Variants in PPP1R27 observed in about 807,000 individuals in gnomAD.
PPP1R27 encodes the protein dysferlin interacting protein 1.
PPP1R27 carries 10 observed loss-of-function variants against 12.0 expected under a neutral mutation model. The observed-to-expected ratio is 0.84, with a 90% confidence interval of 0.52 to 1.42. PPP1R27 has a LOEUF of 1.42. PPP1R27 is among the 40% of genes most tolerant of loss of function. The probability of loss-of-function intolerance (pLI) is 0.00; values close to 1 mark genes in which losing one functional copy is unlikely to be tolerated. For missense variants in PPP1R27, 246 were observed against 215.3 expected (o/e 1.14, Z -0.89); for synonymous variants, 98 against 89.3 (o/e 1.10, Z -0.55).
chr17:81,833,813 G>C lies in PPP1R27; in HGVS notation c.381C>G (p.Asn127Lys), dbSNP rs770601739. ...GGTCGGAGGGCAGGTCGCCATCGTCGTTGGTTGCATCCCTGTCCGCTCCCA... is the reference window on the plus strand; with the variant it reads ...GGTCGGAGGGCAGGTCGCCATCGTCCTTGGTTGCATCCCTGTCCGCTCCCA... The part of the protein sequence containing the change: ...ISLGADRDAT[N>K]DDGDLPSDLI... The change falls in exon 3 of 3, where the codon AAC becomes AAG. Residue 127 changes from asparagine (N) to lysine (K), a missense_variant. By Grantham distance (94) the Asn-to-Lys change is moderately conservative. Transcript: ENST00000330261. 3 of 1,578,858 alleles carry C rather than the reference G, an allele frequency of 1.9e-6. No individual in the cohort carries two copies. Among genetic ancestry groups the C allele is most frequent in the Non-Finnish European group, 2.6e-6 (3 of 1,162,262 alleles).
At position 81,835,039 on chromosome 17, in the gene PPP1R27, G is replaced by A; in HGVS notation, c.-86C>T. 7.3e-7 allele frequency: 1 copy of A among 1,373,450 alleles called. No individual in the cohort carries two copies. The highest frequency in any genetic ancestry group is 1.5e-5 in the South Asian group (1 of 67,178). The allele number at this position is 1,373,450 out of a possible 1,614,324, so 85.1% of individuals were successfully genotyped here. Reference sequence around the variant, plus strand: ...TCCGGTCCCGACCAGATCAGCTTGAGGGCTCCTGTCGGACGAGCCCCGGCC... The same window carrying A: ...TCCGGTCCCGACCAGATCAGCTTGAAGGCTCCTGTCGGACGAGCCCCGGCC... On this transcript the variant is annotated 5_prime_UTR_variant, in exon 1 of 3. Coordinates refer to ENST00000330261, the MANE Select transcript of PPP1R27 (RefSeq NM_001007533.4).
In PPP1R27 at chr17:81,834,542, A is replaced by G; in HGVS notation, c.302T>C (p.Leu101Pro). Residue 101 changes from leucine (L) to proline (P), a missense_variant, in exon 2 of 3, where the codon CTG becomes CCG. By Grantham distance (98) the Leu-to-Pro change is moderately conservative (BLOSUM62 -3). Coordinates refer to ENST00000330261, the MANE Select transcript of PPP1R27 (RefSeq NM_001007533.4). ...HQRDEAGWTPLHIACSDGYPD... is the reference protein window; with the variant it reads ...HQRDEAGWTPPHIACSDGYPD... Reference sequence around the variant, plus strand: ...GTACCCATCGCTGCAGGCAATGTGCAGGGGTGTCCAGCCCGCCTCATCTCG... The same window carrying G: ...GTACCCATCGCTGCAGGCAATGTGCGGGGGTGTCCAGCCCGCCTCATCTCG... The G allele has an allele frequency of 6.2e-7, 1 of 1,614,170 alleles. No individual in the cohort carries two copies. Among genetic ancestry groups the G allele is most frequent in the Admixed American group, 1.7e-5 (1 of 60,026 alleles).
Position 81,834,812 on chromosome 17 carries a change from G to C in PPP1R27, c.142C>G (p.Arg48Gly). The change falls in exon 1 of 3, where the codon CGC becomes GGC. Residue 48 changes from arginine to glycine, a missense_variant. Arg to Gly is a moderately radical substitution (Grantham distance 125). Coordinates refer to ENST00000330261, the MANE Select transcript of PPP1R27 (RefSeq NM_001007533.4). ...GAGACTTTCCGAGTCCGGATGAAGC[G>C]CCCCACCTGCTCCAGGTCACCCTGC... ...IRQGDLEQVG[R>G]FIRTRKVSLA... 1 of 1,613,538 alleles carries C rather than the reference G, an allele frequency of 6.2e-7. No individual in the cohort carries two copies. The highest frequency in any genetic ancestry group is 2.2e-5 in the East Asian group (1 of 44,882).
In PPP1R27 at chr17:81,833,556, ACAG is replaced by A; in HGVS notation, c.*170_*172del. On this transcript the variant is annotated 3_prime_UTR_variant, in exon 3 of 3. Coordinates refer to ENST00000330261, the MANE Select transcript of PPP1R27 (RefSeq NM_001007533.4). ...GTTTATTGAAAAAGTAAAAAGTGTCACAGTAAAAAATTCACCTGGGGACAAAGC... is the reference window on the plus strand; with the variant it reads ...GTTTATTGAAAAAGTAAAAAGTGTCATAAAAAATTCACCTGGGGACAAAGC... The A allele has an allele frequency of 3.2e-6, 2 of 630,746 alleles. No individual in the cohort carries two copies. The highest frequency in any genetic ancestry group is 5.3e-6 in the Non-Finnish European group (2 of 374,162). The allele number at this position is 630,746 out of a possible 1,614,324, so 39.1% of individuals were successfully genotyped here. A position where few individuals can be genotyped will look rare whatever the true frequency, so the allele number is the denominator to read the frequency against.
At chr17:81,834,718 C>G in intron 1 of PPP1R27, 46 bp downstream of exon 1, 2 of 1,609,470 alleles carry the variant, frequency 1.2e-6, no homozygotes, top group Non-Finnish European at 1.7e-6. Context: ...GCTGGCCTCT[C>G]CCACCACCCC....
rs1004943694 is a variant in PPP1R27, at chr17:81,835,026, C to T, written c.-73G>A. The T allele has an allele frequency of 1.3e-5, 18 of 1,422,084 alleles. No individual in the cohort carries two copies. The highest frequency in any genetic ancestry group is 5.7e-5 in the African/African-American group (4 of 69,746). 88.1% of individuals were successfully genotyped at this position (1,422,084 alleles called of 1,614,324 possible). On this transcript the variant is annotated 5_prime_UTR_variant, in exon 1 of 3. Coordinates refer to ENST00000330261, the MANE Select transcript of PPP1R27 (RefSeq NM_001007533.4). ...GGTTAATAATGTATCCGGTCCCGACCAGATCAGCTTGAGGGCTCCTGTCGG... is the reference window on the plus strand; with the variant it reads ...GGTTAATAATGTATCCGGTCCCGACTAGATCAGCTTGAGGGCTCCTGTCGG...
Position 81,834,859 on chromosome 17 carries a change from A to G in PPP1R27, c.95T>C (p.Val32Ala). The G allele has an allele frequency of 6.2e-7, 1 of 1,613,570 alleles. No homozygotes were observed. Among genetic ancestry groups the G allele is most frequent in the Non-Finnish European group, 8.5e-7 (1 of 1,179,998 alleles). ...ADRSVRFPND[V>A]LFLDHIRQGD... ...CTGCCGGATGTGGTCCAAGAACAGGACATCATTAGGGAAACGCACGCTGCG... is the reference window on the plus strand; with the variant it reads ...CTGCCGGATGTGGTCCAAGAACAGGGCATCATTAGGGAAACGCACGCTGCG... The change falls in exon 1 of 3, where the codon GTC (valine) becomes GCC (alanine). Residue 32 changes from valine to alanine, a missense_variant. Coordinates refer to ENST00000330261, the MANE Select transcript of PPP1R27 (RefSeq NM_001007533.4).
Position 81,833,849 on chromosome 17 carries a change from G to C in PPP1R27, c.345C>G (p.Tyr115Ter), listed in dbSNP as rs759641885. 1 of 1,595,168 alleles carries C rather than the reference G, an allele frequency of 6.3e-7. No homozygotes were observed. Among genetic ancestry groups the C allele is most frequent in the Admixed American group, 1.7e-5 (1 of 57,330 alleles). Residue 115 changes from tyrosine (Y) to a stop codon, truncating the protein, a stop_gained, in exon 3 of 3, where the codon TAC becomes TAG. Transcript: ENST00000330261. LOFTEE classifies it high-confidence loss of function. ...CCCTGTCCGCTCCCAGGGAGATAAG[G>C]TACCTGGGGTGTAAAGGTCGCTCTG... ...CSDGYPDIAR[Y>*]LISLGADRDA...
intron 2 of PPP1R27, 95 bp from the exon 3 acceptor site, chr17:81,833,947 GT>G: frequency 7.0e-7 from 1 of 1,420,352 alleles, no homozygotes. Flanking sequence ...GGGGTCACCT[GT>G]GTGTCCCCCA....
chr17:81,834,477 C>A, intron 2 of PPP1R27, 26 bp downstream of exon 2: 5 of 1,612,332 alleles, frequency 3.1e-6, no homozygotes, highest in Non-Finnish European at 4.2e-6. Context: ...CGGGTTCAAG[C>A]CTGTGTAGAC....
rs771561258 is a variant in PPP1R27, at chr17:81,834,828, G to C, written c.126C>G (p.Asp42Glu). Residue 42 changes from aspartate (D) to glutamate (E), a missense_variant, in exon 1 of 3, where the codon GAC (aspartate) becomes GAG (glutamate). Coordinates refer to ENST00000330261, the MANE Select transcript of PPP1R27 (RefSeq NM_001007533.4). ...VLFLDHIRQG[D>E]LEQVGRFIRT... is the part of the protein sequence containing the mutation. ...GGATGAAGCGCCCCACCTGCTCCAG[G>C]TCACCCTGCCGGATGTGGTCCAAGA... is the stretch of plus-strand genomic sequence containing the variant. 21 of 1,613,638 alleles carry C rather than the reference G, an allele frequency of 1.3e-5. No homozygotes were observed. The African/African-American group carries it at 2.3e-4, about 17-fold the overall frequency.
rs780458528 is a variant in PPP1R27 at position 81,834,878 on chromosome 17, C to T, written c.76G>A (p.Val26Met). ...RRRRMLADRS[V>M]RFPNDVLFLD... ...AACAGGACATCATTAGGGAAACGCA[C>T]GCTGCGATCAGCCAGCATCCGCCGC... The change falls in exon 1 of 3, where the codon GTG (valine) becomes ATG (methionine). Residue 26 changes from valine to methionine, a missense_variant. Transcript: ENST00000330261. The T allele has an allele frequency of 8.7e-6, 14 of 1,613,200 alleles. No homozygotes were observed. The highest frequency in any genetic ancestry group is 2.2e-5 in the East Asian group (1 of 44,880).
Position 81,834,979 on chromosome 17 carries a change from C to T in PPP1R27, c.-26G>A. The T allele has an allele frequency of 3.2e-6, 5 of 1,563,644 alleles. No homozygotes were observed. Among genetic ancestry groups the T allele is most frequent in the Non-Finnish European group, 4.3e-6 (5 of 1,157,384 alleles). ...CTTGGGCGCTGTGGGGCAGGTTGCC[C>T]CTGGGGACCCTACTGCACTGGGGTT... On this transcript the variant is annotated 5_prime_UTR_variant, in exon 1 of 3. Transcript: ENST00000330261.
rs144464119 is a variant in PPP1R27, at chr17:81,834,797, G to A, written c.157C>T (p.Arg53Trp). ...TGGATGGTGGCCAGGGAGACTTTCC[G>A]AGTCCGGATGAAGCGCCCCACCTGC... is the stretch of plus-strand genomic sequence containing the variant. ...LEQVGRFIRT[R>W]KVSLATIHPS... The change falls in exon 1 of 3, where the codon CGG becomes TGG. Residue 53 changes from arginine to tryptophan, a missense_variant. Coordinates refer to ENST00000330261, the MANE Select transcript of PPP1R27 (RefSeq NM_001007533.4). The A allele has an allele frequency of 1.3e-4, 213 of 1,613,166 alleles. No individual in the cohort carries two copies. Among genetic ancestry groups the A allele is most frequent in the Middle Eastern group, 6.6e-4 (4 of 6,060 alleles).
chr17:81,834,386 A>C (rs1182482513), intron 2 of PPP1R27, 117 bp downstream of exon 2: 3 of 1,207,324 alleles, frequency 2.5e-6, no homozygotes, highest in African/African-American at 1.5e-5. Flanking sequence ...CACCGCCCCC[A>C]GCCTCTAGGG....
rs2143286647 is a variant in PPP1R27 at position 81,834,923 on chromosome 17, A to G, written c.31T>C (p.Tyr11His). The change falls in exon 1 of 3, where the codon TAC becomes CAC. Residue 11 changes from tyrosine (Y) to histidine (H), a missense_variant. Tyr to His is a moderately conservative substitution (Grantham distance 83). Coordinates refer to ENST00000330261, the MANE Select transcript of PPP1R27 (RefSeq NM_001007533.4). MPSRTARYARYSPRQRRRRML... is the reference protein window; with the variant it reads MPSRTARYARHSPRQRRRRML... ...CGCCGCCGCCGCTGCCGTGGGCTGT[A>G]GCGGGCATAGCGGGCAGTTCTGCTA... The G allele has an allele frequency of 6.2e-7, 1 of 1,609,516 alleles. No individual in the cohort carries two copies. The highest frequency in any genetic ancestry group is 2.2e-5 in the East Asian group (1 of 44,852).
rs144464119 is a variant in PPP1R27 at position 81,834,797 on chromosome 17, G to C, written c.157C>G (p.Arg53Gly). Residue 53 changes from arginine (R) to glycine (G), a missense_variant, in exon 1 of 3, where the codon CGG (arginine) becomes GGG (glycine). Transcript: ENST00000330261. ...TGGATGGTGGCCAGGGAGACTTTCCGAGTCCGGATGAAGCGCCCCACCTGC... is the reference window on the plus strand; with the variant it reads ...TGGATGGTGGCCAGGGAGACTTTCCCAGTCCGGATGAAGCGCCCCACCTGC... ...LEQVGRFIRT[R>G]KVSLATIHPS... 6.2e-7 allele frequency: 1 copy of C among 1,613,048 alleles called. No homozygotes were observed. Among genetic ancestry groups the C allele is most frequent in the Non-Finnish European group, 8.5e-7 (1 of 1,179,614 alleles).
chr17:81,833,880 A>C, intron 2 of PPP1R27, 28 bp from the exon 3 acceptor site: 1 of 1,589,318 alleles, frequency 6.3e-7, no homozygotes, highest in Non-Finnish European at 8.6e-7. Context: ...CTCTGGCTGA[A>C]GCGGGGAGGA....
At chr17:81,834,221 A>T in intron 2 of PPP1R27, 1 of 473,786 alleles carries the variant, frequency 2.1e-6, no homozygotes, top group Admixed American at 3.6e-5. Flanking sequence ...CTCCTGCCTC[A>T]GCCTTGAGTA....
Sources: allele counts gnomAD v4.1 joint callset, GRCh38; gene constraint gnomAD v4.1.1; transcripts MANE v1.5; gene names NCBI Gene and HGNC (gene_info 2026-07-23, HGNC 2026-07-21).